CDK14: variants seen among roughly 807,000 people sequenced by gnomAD.
CDK14 encodes the protein cyclin-dependent kinase 14.
A neutral mutation model predicts 60.7 loss-of-function variants in CDK14; 34 were observed. That is an observed-to-expected ratio of 0.56 (90% CI 0.43 to 0.75). The LOEUF (loss-of-function observed/expected upper bound fraction) is 0.75. Among genes scored for constraint, CDK14 ranks in the 30% least tolerant of loss-of-function variants. The probability of loss-of-function intolerance (pLI) is 0.00; values close to 1 mark genes in which losing one functional copy is unlikely to be tolerated. For missense variants in CDK14, 482 were observed against 564.1 expected (o/e 0.85, Z 1.47); for synonymous variants, 197 against 203.7 (o/e 0.97, Z 0.28).
At chr7:91,098,316 T>C (rs697403) in intron 12 of CDK14, among the ~76,000 whole-genome samples, 15,275 of 152,164 alleles carry the variant, frequency 0.1, 993 homozygotes, top group Non-Finnish European at 0.15. Context: ...AGCATTATTT[T>C]TGGTGATTTT....
chr7:90,659,921 G>A (rs973286429), intron 2 of CDK14, among the ~76,000 whole-genome samples: 3 of 150,982 alleles, frequency 2.0e-5, no homozygotes, highest in African/African-American at 7.3e-5. Flanking sequence ...GCTCATGGGT[G>A]CAGATTTTTT....
At chr7:90,999,369 A>T (rs1795779547) in intron 10 of CDK14, among the ~76,000 whole-genome samples, 1 of 151,860 alleles carries the variant, frequency 6.6e-6, no homozygotes, top group South Asian at 2.1e-4. Context: ...TGGGCAGATC[A>T]TGAGGTCAGG....
chr7:90,885,981 C>A (rs1562813433), intron 6 of CDK14, among the ~76,000 whole-genome samples: 1 of 152,046 alleles, frequency 6.6e-6, no homozygotes, highest in African/African-American at 2.4e-5. Context: ...CATACATATA[C>A]CTATGCAACA....
intron 6 of CDK14, among the ~76,000 whole-genome samples, chr7:90,887,946 A>G (rs929048666): frequency 2.6e-5 from 4 of 152,164 alleles, no homozygotes; most frequent in Non-Finnish European, 5.9e-5. Context: ...ACTTATTATA[A>G]GAGTTTGAAA....
intron 10 of CDK14, among the ~76,000 whole-genome samples, chr7:90,991,539 G>C (rs1397143812): frequency 8.5e-5 from 13 of 152,140 alleles, no homozygotes; most frequent in Admixed American, 8.5e-4. Flanking sequence ...TAATACTTCA[G>C]CTCAGGTCTG....
intron 10 of CDK14, among the ~76,000 whole-genome samples, chr7:91,043,715 A>G (rs1476936621): frequency 8.9e-6 from 1 of 112,382 alleles, no homozygotes; most frequent in South Asian, 2.8e-4. Context: ...AGATCTATCT[A>G]TTGATGTTAG....
chr7:91,131,372 T>G (rs1199930105), intron 14 of CDK14, among the ~76,000 whole-genome samples: 1 of 152,096 alleles, frequency 6.6e-6, no homozygotes, highest in Non-Finnish European at 1.5e-5. Flanking sequence ...CTGGAGATGT[T>G]GACCTTGATC....
chr7:90,784,847 G>A (rs1316236258), intron 4 of CDK14, among the ~76,000 whole-genome samples: 2 of 152,186 alleles, frequency 1.3e-5, no homozygotes, highest in Non-Finnish European at 2.9e-5. Context: ...TTTGAAATAT[G>A]TATGTAATAC....
intron 8 of CDK14, among the ~76,000 whole-genome samples, chr7:90,928,570 T>C (rs1793494402): frequency 6.6e-6 from 1 of 152,198 alleles, no homozygotes; most frequent in South Asian, 2.1e-4. Flanking sequence ...TACTCCCTGA[T>C]CTTTCCTCTG....
chr7:91,060,497 G>A (rs1030266020), intron 11 of CDK14, among the ~76,000 whole-genome samples: 68 of 152,188 alleles, frequency 4.5e-4, no homozygotes, highest in African/African-American at 1.5e-3. Flanking sequence ...TCCTAGCCTC[G>A]ATGGTCTTTA....
intron 2 of CDK14, among the ~76,000 whole-genome samples, chr7:90,646,951 AACTG>A (rs1260720628): frequency 6.6e-6 from 1 of 152,162 alleles, no homozygotes; most frequent in Non-Finnish European, 1.5e-5. Flanking sequence ...TTGCCTGATG[AACTG>A]ACTCACACCC....
At chr7:90,813,781 A>G (rs986761907) in intron 5 of CDK14, among the ~76,000 whole-genome samples, 3 of 152,164 alleles carry the variant, frequency 2.0e-5, no homozygotes, top group Admixed American at 6.5e-5. Context: ...GTAATGTAAT[A>G]TAAATAATAG....
At chr7:90,718,949 CTTG>C (rs145179339) in intron 2 of CDK14, among the ~76,000 whole-genome samples, 35 of 152,218 alleles carry the variant, frequency 2.3e-4, no homozygotes, top group African/African-American at 7.7e-4. Flanking sequence ...AGGGAGAAAA[CTTG>C]TTGTTCTGTA....
At chr7:90,714,202 G>A in intron 2 of CDK14, among the ~76,000 whole-genome samples, 1 of 152,034 alleles carries the variant, frequency 6.6e-6, no homozygotes, top group East Asian at 1.9e-4. Context: ...CTTTGGAAGG[G>A]TAAATGTTCT....
chr7:91,059,848 G>C (rs540984521), intron 11 of CDK14, among the ~76,000 whole-genome samples: 1 of 152,202 alleles, frequency 6.6e-6, no homozygotes, highest in Non-Finnish European at 1.5e-5. Context: ...TTTGGAATAG[G>C]TGTGGTGTGG....
At chr7:90,679,109 C>T (rs538966475) in intron 2 of CDK14, among the ~76,000 whole-genome samples, 1 of 152,176 alleles carries the variant, frequency 6.6e-6, no homozygotes, top group East Asian at 1.9e-4. Flanking sequence ...GCCACCATGC[C>T]CGGCTAATTT....
rs565149285 is a variant in CDK14 at position 90,890,781 on chromosome 7, T to A, written c.640-8510T>A. 3.3e-5 allele frequency among the ~76,000 whole-genome samples: 5 copies of A among 152,350 alleles called. No individual in the cohort carries two copies. In the South Asian group the frequency reaches 1.0e-3, roughly 32 times the overall value. On this transcript the variant is annotated intron_variant, in intron 6 of 14. Coordinates refer to ENST00000380050, the MANE Select transcript of CDK14 (RefSeq NM_001287135.2). ...CCTAGAGGAAAATGGCATTGATTGC[T>A]GTAGAAGAAAGGAGGGTTCAGCTTC... is the stretch of plus-strand genomic sequence containing the variant.
intron 14 of CDK14, among the ~76,000 whole-genome samples, chr7:91,128,183 A>G (rs1210707284): frequency 1.3e-5 from 2 of 152,204 alleles, no homozygotes; most frequent in Admixed American, 6.5e-5. Context: ...GAGACATTTT[A>G]TGAGGCAGTT....
At chr7:90,815,580 G>A (rs1789315805) in intron 5 of CDK14, among the ~76,000 whole-genome samples, 1 of 50,290 alleles carries the variant, frequency 2.0e-5, no homozygotes. Flanking sequence ...TATACCCAAA[G>A]GATTATAAAT....
Sources: allele counts gnomAD v4.1 joint callset (sites outside exome capture counted in the v4.1 genomes callset), GRCh38; gene constraint gnomAD v4.1.1; transcripts MANE v1.5; gene names NCBI Gene and HGNC (gene_info 2026-07-23, HGNC 2026-07-21).